The following DCAF8L2 variants were observed in gnomAD, a reference collection of about 807,000 sequenced individuals.
DCAF8L2 encodes DDB1- and CUL4-associated factor 8-like protein 2.
For missense variants in DCAF8L2, 430 were observed against 490.7 expected (o/e 0.88, Z 1.17); for synonymous variants, 200 against 190.9 (o/e 1.05, Z -0.39).
intron 1 of DCAF8L2, among the ~76,000 whole-genome samples, chrX:27,631,285 CATT>C (rs1928280289): frequency 8.9e-6 from 1 of 111,735 alleles, no homozygotes; most frequent in East Asian, 2.8e-4. Flanking sequence ...TGAAATCTAA[CATT>C]ATACTTAATG....
At chrX:27,696,010 C>A (rs1400459054) in intron 3 of DCAF8L2, among the ~76,000 whole-genome samples, 1 of 108,759 alleles carries the variant, frequency 9.2e-6, no homozygotes, top group Non-Finnish European at 1.9e-5. Flanking sequence ...GCCTGGCCAA[C>A]ATAGCGAAAC....
At chrX:27,713,998 G>T (rs1215907914) in intron 3 of DCAF8L2, among the ~76,000 whole-genome samples, 1 of 111,708 alleles carries the variant, frequency 9.0e-6, no homozygotes, top group African/African-American at 3.2e-5. Flanking sequence ...GGTGAAGTAT[G>T]ACCCTTATAT....
the DCAF8L2 span, among the ~76,000 whole-genome samples, chrX:27,515,660 G>T: frequency 8.9e-6 from 1 of 112,317 alleles, no homozygotes; most frequent in African/African-American, 3.2e-5. Context: ...TCTACAAATA[G>T]ATCATAAACA....
the DCAF8L2 span, among the ~76,000 whole-genome samples, chrX:27,488,914 A>G: frequency 1.8e-5 from 2 of 110,271 alleles, no homozygotes; most frequent in Non-Finnish European, 3.8e-5. Context: ...TTGGCCTCCC[A>G]AAGTGTTGAG....
intron 4 of DCAF8L2, among the ~76,000 whole-genome samples, chrX:27,720,673 G>A (rs1027079385): frequency 9.0e-5 from 10 of 111,673 alleles, no homozygotes; most frequent in African/African-American, 1.6e-4. Flanking sequence ...GCGCCCTGCC[G>A]ATTATTTTTA....
chrX:27,748,133 C>G lies in DCAF8L2; in HGVS notation c.1238C>G (p.Pro413Arg). The G allele has an allele frequency of 8.3e-7, 1 of 1,211,700 alleles. No individual in the cohort carries two copies. The highest frequency in any genetic ancestry group is 1.8e-5 in the South Asian group (1 of 56,972). Residue 413 changes from proline (P) to arginine (R), a missense_variant, in exon 5 of 5, where the codon CCT becomes CGT. By Grantham distance (103) the Pro-to-Arg change is moderately radical. Transcript: ENST00000451261. ...ENNGVLKKFT[P>R]HHLVNCDFPT... is the part of the protein sequence containing the mutation. ...AATGGCGTGCTCAAGAAATTCACTCCTCATCATCTGGTTAATTGTGATTTC... is the reference window on the plus strand; with the variant it reads ...AATGGCGTGCTCAAGAAATTCACTCGTCATCATCTGGTTAATTGTGATTTC...
rs189734123 is a variant in DCAF8L2 at position 27,673,545 on chromosome X, T to C, written c.-219-4291T>C. Among the ~76,000 whole-genome samples the C allele has an allele frequency of 2.3e-3, 244 of 105,449 alleles. 1 individual carries two copies. The highest frequency in any genetic ancestry group is 7.9e-3 in the African/African-American group (228 of 28,993). 91.6% of individuals were successfully genotyped at this position (105,449 alleles called of 115,157 possible). ...AAAAAAGATTTGGGGTTAGGTATAA[T>C]ATTAGTAAGGATAATAATAATAATT... is the stretch of plus-strand genomic sequence containing the variant. On this transcript the variant is annotated intron_variant, in intron 2 of 4. Transcript: ENST00000451261.
At chrX:27,574,128 C>T in the DCAF8L2 span, among the ~76,000 whole-genome samples, 1 of 110,851 alleles carries the variant, frequency 9.0e-6, no homozygotes, top group South Asian at 3.9e-4. Context: ...GCCACCATGC[C>T]TGGCTTCAGT....
the DCAF8L2 span, among the ~76,000 whole-genome samples, chrX:27,515,290 C>T: frequency 1.8e-5 from 2 of 112,282 alleles, no homozygotes; most frequent in African/African-American, 6.5e-5. Flanking sequence ...CTGGGATTTA[C>T]CAAATACTCA....
chrX:27,470,999 A>G, the DCAF8L2 span, among the ~76,000 whole-genome samples: 1 of 111,646 alleles, frequency 9.0e-6, no homozygotes, highest in South Asian at 3.7e-4. Context: ...TGTCATTAAC[A>G]CCACATTCCC....
chrX:27,692,276 T>C (rs796415149), intron 3 of DCAF8L2, among the ~76,000 whole-genome samples: 1 of 111,631 alleles, frequency 9.0e-6, no homozygotes, highest in African/African-American at 3.3e-5. Flanking sequence ...ATTAACTTAA[T>C]GTGAATGTCA....
At chrX:27,639,793 ACTGG>A (rs1928637027) in intron 2 of DCAF8L2, among the ~76,000 whole-genome samples, 3 of 111,870 alleles carry the variant, frequency 2.7e-5, no homozygotes. Flanking sequence ...TGTCAACTGT[ACTGG>A]CATTTTTCAT....
chrX:27,510,044 A>T, the DCAF8L2 span, among the ~76,000 whole-genome samples: 1 of 111,660 alleles, frequency 9.0e-6, no homozygotes, highest in East Asian at 2.8e-4. Flanking sequence ...TGTGTCCTAC[A>T]TCCAGCTACT....
In DCAF8L2 at chrX:27,749,755, G is replaced by T. The variant is rs1922469239; in HGVS notation, c.*964G>T. Among the ~76,000 whole-genome samples the T allele has an allele frequency of 8.9e-6, 1 of 111,999 alleles. No individual in the cohort carries two copies. The highest frequency in any genetic ancestry group is 3.2e-5 in the African/African-American group (1 of 30,813). On this transcript the variant is annotated 3_prime_UTR_variant, in exon 5 of 5. Transcript: ENST00000451261. ...TTAAGAACAAGTTGCAATAAAGATT[G>T]TTTATACTTACACATAACCATTTGG...
chrX:27,490,152 T>G, the DCAF8L2 span, among the ~76,000 whole-genome samples: 1 of 112,371 alleles, frequency 8.9e-6, no homozygotes, highest in Admixed American at 9.4e-5. Flanking sequence ...TTCCTGGCCT[T>G]ATTTTGCATT....
At chrX:27,640,144 C>A (rs1275821597) in intron 2 of DCAF8L2, among the ~76,000 whole-genome samples, 1 of 111,498 alleles carries the variant, frequency 9.0e-6, no homozygotes, top group African/African-American at 3.3e-5. Context: ...TGGAAACCAT[C>A]ATTCTCAGCA....
At chrX:27,703,642 G>A (rs895346582) in intron 3 of DCAF8L2, among the ~76,000 whole-genome samples, 1 of 110,963 alleles carries the variant, frequency 9.0e-6, no homozygotes, top group African/African-American at 3.3e-5. Flanking sequence ...TCAACAAATG[G>A]TGCTGGGAGA....
At chrX:27,643,224 C>A (rs1928808926) in intron 2 of DCAF8L2, among the ~76,000 whole-genome samples, 1 of 112,014 alleles carries the variant, frequency 8.9e-6, no homozygotes, top group African/African-American at 3.2e-5. Context: ...TCTCTCAACA[C>A]CCTAGCCAAC....
At chrX:27,534,775 A>T in the DCAF8L2 span, among the ~76,000 whole-genome samples, 1 of 112,072 alleles carries the variant, frequency 8.9e-6, no homozygotes, top group Non-Finnish European at 1.9e-5. Flanking sequence ...TGTGGCTTAC[A>T]CTACCACATA....
Sources: gnomAD v4.1 joint callset for allele counts (sites outside exome capture counted in the v4.1 genomes callset) on GRCh38, gnomAD v4.1.1 for gene constraint, MANE v1.5 for transcripts, NCBI Gene and HGNC (gene_info 2026-07-23, HGNC 2026-07-21) for gene names.